Variants in SYTL3 observed in about 807,000 individuals in gnomAD.
SYTL3 encodes synaptotagmin like 3.
Under a neutral mutation model 82.1 loss-of-function variants are expected in SYTL3, and 88 were observed. That is an observed-to-expected ratio of 1.07 (90% confidence interval 0.90 to 1.28). The LOEUF (loss-of-function observed/expected upper bound fraction) is 1.28. SYTL3 is among the 50% of genes most tolerant of loss of function. The pLI, the probability that SYTL3 is intolerant of heterozygous loss-of-function variation, is 0.00. For synonymous variants in SYTL3, 311 were observed against 289.4 expected (o/e 1.07, Z -0.76); for missense variants, 831 against 757.6 (o/e 1.10, Z -1.14).
intron 5 of SYTL3, among the ~76,000 whole-genome samples, chr6:158,680,295 C>T (rs1778515665): frequency 6.6e-6 from 1 of 152,204 alleles, no homozygotes; most frequent in African/African-American, 2.4e-5. Context: ...GAGGCTGAGA[C>T]TGCCTTAAGG....
At chr6:158,739,858 C>T (rs2128503690) in intron 11 of SYTL3, among the ~76,000 whole-genome samples, 1 of 152,160 alleles carries the variant, frequency 6.6e-6, no homozygotes, top group Admixed American at 6.6e-5. Flanking sequence ...ATTTTTTCTC[C>T]TCTGTGCTTC....
At chr6:158,754,444 G>A (rs909009939) in intron 13 of SYTL3, among the ~76,000 whole-genome samples, 5 of 152,232 alleles carry the variant, frequency 3.3e-5, no homozygotes, top group African/African-American at 1.2e-4. Flanking sequence ...TTCTAGGCTG[G>A]GTGTGGTGGC....
At position 158,662,064 on chromosome 6, in the gene SYTL3, GCT is replaced by G. The variant is rs370969037; in HGVS notation, c.-520+682_-519-682del. On this transcript the variant is annotated intron_variant, in intron 3 of 17. Coordinates refer to ENST00000611299, the MANE Select transcript of SYTL3 (RefSeq NM_001242394.2). ...TGCTTAAAGGAAATGCTACCTTAGA[GCT>G]CTGTTAGCCTCTCATTCACTAATTT... 3.6e-4 allele frequency among the ~76,000 whole-genome samples: 55 copies of G among 152,278 alleles called. No homozygotes were observed. The East Asian group carries it at 9.6e-3, about 27-fold the overall frequency.
chr6:158,732,595 T>A (rs76431014), intron 11 of SYTL3, among the ~76,000 whole-genome samples: 8,511 of 152,286 alleles, frequency 0.056, 276 homozygotes, highest in Middle Eastern at 0.068. Flanking sequence ...TAAAGTGCAG[T>A]ACCCTGCAGG....
At chr6:158,715,754 C>T (rs1783343427) in intron 9 of SYTL3, among the ~76,000 whole-genome samples, 2 of 150,868 alleles carry the variant, frequency 1.3e-5, no homozygotes, top group Non-Finnish European at 2.9e-5. Flanking sequence ...CCTGTTTCTG[C>T]AGGAACAGGA....
chr6:158,644,965 G>A, the SYTL3 span, among the ~76,000 whole-genome samples: 1 of 152,224 alleles, frequency 6.6e-6, no homozygotes, highest in East Asian at 1.9e-4. Context: ...GAGGGTAGCC[G>A]GGCAGCTCCC....
rs1787521915 is a variant in SYTL3, at chr6:158,745,589, C to T, written c.965C>T (p.Ser322Phe). ...FAIHYCFKTH[S>F]LEICIKACKN... ...ATTCATTATTGCTTCAAAACCCATT[C>T]TTTAGAAATATGCATCAAGGCCTGT... The change falls in exon 12 of 18, where the codon TCT becomes TTT. Residue 322 changes from serine to phenylalanine, a missense_variant. Transcript: ENST00000611299. 6.2e-7 allele frequency: 1 copy of T among 1,613,466 alleles called. No homozygotes were observed. The highest frequency in any genetic ancestry group is 1.3e-5 in the African/African-American group (1 of 74,796).
chr6:158,691,332 G>A (rs1339999945), intron 6 of SYTL3, among the ~76,000 whole-genome samples: 1 of 147,370 alleles, frequency 6.8e-6, no homozygotes, highest in Non-Finnish European at 1.5e-5. Flanking sequence ...GGCAGCAACT[G>A]AGACTCCATC....
intron 6 of SYTL3, among the ~76,000 whole-genome samples, chr6:158,699,118 A>C (rs1780875854): frequency 6.6e-6 from 1 of 152,086 alleles, no homozygotes; most frequent in Non-Finnish European, 1.5e-5. Flanking sequence ...TCCTGCTTTG[A>C]AAGAGGCCTA....
intron 11 of SYTL3, among the ~76,000 whole-genome samples, chr6:158,736,643 C>A (rs1396722450): frequency 6.6e-6 from 1 of 151,842 alleles, no homozygotes; most frequent in Non-Finnish European, 1.5e-5. Context: ...CAAACATTAG[C>A]CAGGCATGGT....
intron 15 of SYTL3, 62 bp downstream of exon 15, chr6:158,760,807 A>G: frequency 1.5e-6 from 2 of 1,327,420 alleles, no homozygotes; most frequent in Non-Finnish European, 2.2e-6. Flanking sequence ...CTGGTGCTGC[A>G]GGCAGACTGA....
At chr6:158,730,472 A>T (rs1234156327) in intron 11 of SYTL3, among the ~76,000 whole-genome samples, 1 of 152,228 alleles carries the variant, frequency 6.6e-6, no homozygotes, top group Non-Finnish European at 1.5e-5. Flanking sequence ...TTTTACTTAT[A>T]ACAAAATGGT....
intron 10 of SYTL3, among the ~76,000 whole-genome samples, chr6:158,724,533 T>C (rs1784483281): frequency 6.6e-6 from 1 of 152,196 alleles, no homozygotes; most frequent in African/African-American, 2.4e-5. Flanking sequence ...AATGGAACTT[T>C]TCTGCAGGGA....
intron 5 of SYTL3, among the ~76,000 whole-genome samples, chr6:158,680,593 A>AAAAC (rs1554246974): frequency 3.3e-5 from 5 of 151,374 alleles, no homozygotes; most frequent in Admixed American, 6.6e-5. Context: ...AAAAAAAAAA[A>AAAAC]ACACAAAAAT....
intron 7 of SYTL3, 141 bp downstream of exon 7, chr6:158,707,422 A>C: frequency 1.5e-6 from 1 of 668,048 alleles, no homozygotes; most frequent in Non-Finnish European, 2.5e-6. Context: ...TCTTTTAAAG[A>C]TAAAGTTCCT....
Position 158,663,025 on chromosome 6 carries a change from C to T in SYTL3, c.-244C>T. On this transcript the variant is annotated 5_prime_UTR_variant, in exon 4 of 18. It adds an upstream start codon to the 5' untranslated region. Coordinates refer to ENST00000611299, the MANE Select transcript of SYTL3 (RefSeq NM_001242394.2). Reference sequence around the variant, plus strand: ...CGGTGAAAACACCCCCCGGGTAGCACGAGGCTCTGCGAGCCGTAACTCCGA... The same window carrying T: ...CGGTGAAAACACCCCCCGGGTAGCATGAGGCTCTGCGAGCCGTAACTCCGA... 3 of 399,786 alleles carry T rather than the reference C, an allele frequency of 7.5e-6. No individual in the cohort carries two copies. The highest frequency in any genetic ancestry group is 8.4e-5 in the East Asian group (2 of 23,750). 24.8% of individuals were successfully genotyped at this position (399,786 alleles called of 1,614,324 possible).
At chr6:158,685,530 C>CT (rs1779203473) in intron 6 of SYTL3, among the ~76,000 whole-genome samples, 1 of 149,308 alleles carries the variant, frequency 6.7e-6, no homozygotes, top group Non-Finnish European at 1.5e-5. Context: ...CTTTAAAATA[C>CT]TTTTTTGACC....
intron 2 of SYTL3, among the ~76,000 whole-genome samples, chr6:158,652,458 C>T (rs1158413737): frequency 6.6e-6 from 1 of 151,964 alleles, no homozygotes; most frequent in Admixed American, 6.6e-5. Flanking sequence ...AACATGTTGG[C>T]CAGGATGGTC....
chr6:158,720,538 AT>A (rs1198043823), intron 10 of SYTL3, among the ~76,000 whole-genome samples: 3 of 151,938 alleles, frequency 2.0e-5, no homozygotes, highest in Admixed American at 6.6e-5. Flanking sequence ...CTATGTTCCC[AT>A]AAGAAGGACA....
Sources: allele counts gnomAD v4.1 joint callset (sites outside exome capture counted in the v4.1 genomes callset), GRCh38; gene constraint gnomAD v4.1.1; transcripts MANE v1.5; gene names NCBI Gene and HGNC (gene_info 2026-07-23, HGNC 2026-07-21).